STPG2: variants seen among roughly 807,000 people sequenced by gnomAD.
STPG2 encodes the protein sperm tail PG-rich repeat containing 2, also known as sperm-tail PG-rich repeat-containing protein 2.
A neutral mutation model predicts 54.2 loss-of-function variants in STPG2; 56 were observed. The observed-to-expected ratio is 1.03, with a 90% CI of 0.83 to 1.29. The LOEUF (loss-of-function observed/expected upper bound fraction) is 1.29. Among genes scored for constraint, STPG2 ranks in the 50% most tolerant of loss-of-function variants. The pLI is 0.00. For missense variants in STPG2, 596 were observed against 544.9 expected (o/e 1.09, Z -0.93); for synonymous variants, 200 against 181.8 (o/e 1.10, Z -0.81).
At chr4:98,037,986 T>C (rs1736826479) in intron 5 of STPG2, among the ~76,000 whole-genome samples, 1 of 152,086 alleles carries the variant, frequency 6.6e-6, no homozygotes, top group Non-Finnish European at 1.5e-5. Flanking sequence ...GATGTGACGA[T>C]TGTATAATAA....
At chr4:97,522,466 C>A (rs1980058) in intron 4 of STPG2, among the ~76,000 whole-genome samples, 78,964 of 151,708 alleles carry the variant, frequency 0.52, 20,816 homozygotes, top group South Asian at 0.64. Context: ...GGAATATGGT[C>A]GAAATGAAAT....
At chr4:97,805,228 A>T (rs923281015) in intron 9 of STPG2, among the ~76,000 whole-genome samples, 7 of 152,032 alleles carry the variant, frequency 4.6e-5, no homozygotes, top group Non-Finnish European at 1.0e-4. Context: ...TTTTTTTGAG[A>T]TGGAGTCTCA....
intron 4 of STPG2, among the ~76,000 whole-genome samples, chr4:97,468,757 C>T (rs1204472861): frequency 1.3e-5 from 2 of 152,014 alleles, no homozygotes; most frequent in East Asian, 1.9e-4. Flanking sequence ...TTTCCTTCTC[C>T]TTAGGCAGAG....
At chr4:97,599,085 C>G (rs1400655110) in intron 10 of STPG2, among the ~76,000 whole-genome samples, 1 of 152,090 alleles carries the variant, frequency 6.6e-6, no homozygotes, top group African/African-American at 2.4e-5. Context: ...CAAGTAACCC[C>G]ATTGAAAGTG....
chr4:97,914,191 A>T (rs1051489108), intron 8 of STPG2, among the ~76,000 whole-genome samples: 3 of 152,186 alleles, frequency 2.0e-5, no homozygotes, highest in African/African-American at 7.2e-5. Context: ...CTGAAAGTAA[A>T]TTATTACCCC....
chr4:97,917,508 T>G (rs1465588503), intron 8 of STPG2: 1 of 152,200 alleles, frequency 6.6e-6, no homozygotes, highest in Non-Finnish European at 1.5e-5. Flanking sequence ...ACTTTCATAT[T>G]TTTTCATTTT....
At chr4:97,835,679 A>G (rs1259536203) in intron 9 of STPG2, among the ~76,000 whole-genome samples, 1 of 152,114 alleles carries the variant, frequency 6.6e-6, no homozygotes, top group South Asian at 2.1e-4. Flanking sequence ...CACCATACAG[A>G]GTGACTCCTC....
intron 10 of STPG2, among the ~76,000 whole-genome samples, chr4:97,664,661 A>G (rs544124403): frequency 6.6e-6 from 1 of 151,014 alleles, no homozygotes; most frequent in South Asian, 2.1e-4. Context: ...TCAATTGTGT[A>G]TGTGTATGTT....
At chr4:98,063,685 G>GA (rs952872506) in intron 5 of STPG2, among the ~76,000 whole-genome samples, 31 of 124,804 alleles carry the variant, frequency 2.5e-4, no homozygotes, top group Non-Finnish European at 4.6e-4. Context: ...CACTTTGAGG[G>GA]AAAAAAATAT....
rs1733415617 is a variant in STPG2 at position 97,950,232 on chromosome 4, CA to C, written c.934-6226del. ...TACTTTCTCTTATTCCTCAAAACAC[CA>C]ATTATTATTAGGTTTGGCCATTTTA... On this transcript the variant is annotated intron_variant, in intron 7 of 10. Coordinates refer to ENST00000295268, the MANE Select transcript of STPG2 (RefSeq NM_174952.3). Among the ~76,000 whole-genome samples, 5 of 151,772 alleles carry C rather than the reference CA, an allele frequency of 3.3e-5. No individual in the cohort carries two copies. The South Asian group carries it at 1.0e-3, about 32-fold the overall frequency.
intron 5 of STPG2, among the ~76,000 whole-genome samples, chr4:98,035,819 C>T (rs1215657165): frequency 3.9e-5 from 6 of 152,044 alleles, no homozygotes; most frequent in Non-Finnish European, 7.4e-5. Flanking sequence ...AGCTGGAAAC[C>T]ATCATTCTCA....
chr4:97,929,464 A>G (rs1204413914), intron 8 of STPG2, among the ~76,000 whole-genome samples: 1 of 152,126 alleles, frequency 6.6e-6, no homozygotes, highest in Admixed American at 6.6e-5. Context: ...TGTCTTCTAC[A>G]ATGGTTGAAC....
intron 9 of STPG2, among the ~76,000 whole-genome samples, chr4:97,812,410 C>T (rs1411086199): frequency 6.6e-6 from 1 of 152,038 alleles, no homozygotes; most frequent in African/African-American, 2.4e-5. Flanking sequence ...AAAAGTAAGT[C>T]ACATTTATAA....
chr4:97,461,276 C>A (rs1187403934), intron 4 of STPG2, among the ~76,000 whole-genome samples: 1 of 151,638 alleles, frequency 6.6e-6, no homozygotes, highest in Non-Finnish European at 1.5e-5. Flanking sequence ...TCTCTCTCTG[C>A]ATTTTAGCCA....
chr4:98,116,623 A>T (rs932535630), intron 3 of STPG2, among the ~76,000 whole-genome samples: 2 of 151,926 alleles, frequency 1.3e-5, no homozygotes, highest in African/African-American at 4.8e-5. Flanking sequence ...AGAATATCTT[A>T]CTCAAATATT....
chr4:97,524,656 A>C (rs371427906), intron 4 of STPG2, among the ~76,000 whole-genome samples: 3 of 152,056 alleles, frequency 2.0e-5, no homozygotes, highest in South Asian at 2.1e-4. Context: ...GGACTAACAT[A>C]TCTTTCATCT....
chr4:97,627,312 T>C (rs958366006), intron 10 of STPG2, among the ~76,000 whole-genome samples: 4 of 152,184 alleles, frequency 2.6e-5, no homozygotes, highest in African/African-American at 9.6e-5. Context: ...TTGCATCACC[T>C]TGAGATTCAT....
chr4:97,722,909 T>C (rs1724497639), intron 9 of STPG2, among the ~76,000 whole-genome samples: 1 of 150,946 alleles, frequency 6.6e-6, no homozygotes, highest in African/African-American at 2.4e-5. Context: ...GCCATTCTCC[T>C]GCCTCAGCCT....
intron 9 of STPG2, among the ~76,000 whole-genome samples, chr4:97,747,280 C>T (rs569276297): frequency 5.3e-5 from 8 of 151,410 alleles, no homozygotes; most frequent in Admixed American, 4.6e-4. Context: ...TTTTATTACA[C>T]CCATTTATTG....
Sources: allele counts gnomAD v4.1 joint callset (sites outside exome capture counted in the v4.1 genomes callset), GRCh38; gene constraint gnomAD v4.1.1; transcripts MANE v1.5; gene names NCBI Gene and HGNC (gene_info 2026-07-23, HGNC 2026-07-21).